Variants in E2F3 observed in about 807,000 individuals in gnomAD.
E2F3 encodes the protein E2F transcription factor 3.
E2F3 carries 11 observed loss-of-function variants against 44.4 expected under a neutral mutation model. The ratio of observed to expected loss-of-function variants is 0.25; its 90% confidence interval spans 0.16 to 0.41. The LOEUF is 0.41. Among genes scored for constraint, E2F3 ranks in the 10% least tolerant of loss-of-function variants. The pLI is 1.00. For synonymous variants in E2F3, 249 were observed against 253.0 expected, an observed-to-expected ratio of 0.98 and a Z score of 0.15; for missense variants, 487 against 583.6, an observed-to-expected ratio of 0.83 and a Z score of 1.70.
chr6:20,454,645 C>T (rs1166585203), intron 1 of E2F3, among the ~76,000 whole-genome samples: 3 of 152,166 alleles, frequency 2.0e-5, no homozygotes, highest in South Asian at 2.1e-4. Context: ...CTATAATATG[C>T]TAAGGAGTTT....
intron 4 of E2F3, 45 bp from the exon 5 acceptor site, chr6:20,486,644 T>G: frequency 9.6e-7 from 1 of 1,037,884 alleles, no homozygotes; most frequent in Non-Finnish European, 1.5e-6. Flanking sequence ...TTCATCATAC[T>G]TATATCTGAG....
chr6:20,402,542 C>T lies in E2F3; in HGVS notation c.310C>T (p.His104Tyr), dbSNP rs1347621462. ...TAGSLLYTTP[H>Y]GPSSRAGLLQ... ...CGGCAGCCTCCTCTACACCACGCCG[C>T]ACGGACCCTCCAGCAGAGCCGGGCT... The change falls in exon 1 of 7, where the codon CAC (histidine) becomes TAC (tyrosine). Residue 104 changes from histidine to tyrosine, a missense_variant. Around this residue, in one of 3 missense-constraint regions of E2F3, gnomAD observed 238 missense variants for 236.0 expected, o/e 1.01. Transcript: ENST00000346618. The surrounding 1 kb of genome is among the most constrained non-coding windows in gnomAD (Gnocchi z 5.6). The T allele has an allele frequency of 2.2e-5, 35 of 1,593,912 alleles. No homozygotes were observed. Among genetic ancestry groups the T allele is most frequent in the Non-Finnish European group, 2.9e-5 (34 of 1,177,234 alleles).
At chr6:20,462,560 C>A (rs1250463349) in intron 1 of E2F3, among the ~76,000 whole-genome samples, 3 of 151,552 alleles carry the variant, frequency 2.0e-5, no homozygotes, top group East Asian at 3.9e-4. Context: ...CAGGTTCAAG[C>A]GATTCTCCCA....
intron 1 of E2F3, among the ~76,000 whole-genome samples, chr6:20,476,137 C>T (rs550607172): frequency 2.0e-5 from 3 of 152,060 alleles, no homozygotes; most frequent in South Asian, 2.1e-4. Context: ...TTGAGGAGGC[C>T]GAGGAAGGCG....
In E2F3 at chr6:20,490,316, C is replaced by T. The variant is rs765707171; in HGVS notation, c.1284C>T (p.Pro428=). ...GACCGTTTGTGAACTTACTGCCTCC[C>T]CTGCTGCAAGAGGACTATCTCCTGA... ...LEGPFVNLLP[P]LLQEDYLLSL... The change falls in exon 7 of 7, where the codon CCC becomes CCT. Residue 428 remains proline (P), a synonymous_variant. Coordinates refer to ENST00000346618, the MANE Select transcript of E2F3 (RefSeq NM_001949.5). This position sits in a 1 kb window ranked among gnomAD's most constrained non-coding sequence, Gnocchi z 4.3. 2 of 1,614,124 alleles carry T rather than the reference C, an allele frequency of 1.2e-6. No individual in the cohort carries two copies. Among genetic ancestry groups the T allele is most frequent in the East Asian group, 2.2e-5 (1 of 44,878 alleles).
At chr6:20,481,171 A>G in intron 2 of E2F3, 35 bp from the exon 3 acceptor site, 1 of 1,601,878 alleles carries the variant, frequency 6.2e-7, no homozygotes, top group East Asian at 2.2e-5. Flanking sequence ...CTTTCCCCCT[A>G]TCCCCCACCC....
chr6:20,486,751 T>C lies in E2F3; in HGVS notation c.947T>C (p.Ile316Thr), dbSNP rs760341771. ...AGTGGCCTTAAAGACCAAACTGTTA[T>C]AGTTGTGAAAGCCCCTCCAGAAACA... ...KISGLKDQTV[I>T]VVKAPPETRL... The change falls in exon 5 of 7, where the codon ATA becomes ACA. Residue 316 changes from isoleucine (I) to threonine (T), a missense_variant. Physicochemically the swap from Ile to Thr is moderately conservative, Grantham distance 89 (BLOSUM62 -1). Coordinates refer to ENST00000346618, the MANE Select transcript of E2F3 (RefSeq NM_001949.5). 5 of 1,613,640 alleles carry C rather than the reference T, an allele frequency of 3.1e-6. No individual in the cohort carries two copies. The African/African-American group carries it at 4.0e-5, about 13-fold the overall frequency.
At chr6:20,449,244 T>G (rs1420299322) in intron 1 of E2F3, among the ~76,000 whole-genome samples, 1 of 152,240 alleles carries the variant, frequency 6.6e-6, no homozygotes, top group Non-Finnish European at 1.5e-5. Flanking sequence ...TTTGAAAATC[T>G]TGCTGTGCAG....
intron 1 of E2F3, among the ~76,000 whole-genome samples, chr6:20,476,690 G>T (rs1284738234): frequency 6.6e-6 from 1 of 152,196 alleles, no homozygotes; most frequent in Non-Finnish European, 1.5e-5. Context: ...TTCGCGGTGG[G>T]GGCGGGGAGG....
intron 1 of E2F3, chr6:20,445,021 A>T: frequency 1.0e-6 from 1 of 959,674 alleles, no homozygotes; most frequent in Non-Finnish European, 1.2e-6. Flanking sequence ...ACTGAACTGC[A>T]TTGGCCTGGC....
At chr6:20,445,673 C>G (rs1434482320) in intron 1 of E2F3, among the ~76,000 whole-genome samples, 1 of 152,080 alleles carries the variant, frequency 6.6e-6, no homozygotes, top group Non-Finnish European at 1.5e-5. Flanking sequence ...AGTCTTCACT[C>G]CATAGGTTCT....
chr6:20,428,621 A>G (rs1288018515), intron 1 of E2F3, among the ~76,000 whole-genome samples: 1 of 152,198 alleles, frequency 6.6e-6, no homozygotes, highest in African/African-American at 2.4e-5. Context: ...GGGAATGTAG[A>G]CAGGGTCAGA....
chr6:20,458,024 G>T (rs1761371896), intron 1 of E2F3, among the ~76,000 whole-genome samples: 1 of 151,988 alleles, frequency 6.6e-6, no homozygotes, highest in Non-Finnish European at 1.5e-5. Context: ...TTTGAAAAAT[G>T]AACATGACTT....
At chr6:20,416,648 G>A (rs1048939342) in intron 1 of E2F3, among the ~76,000 whole-genome samples, 2 of 152,186 alleles carry the variant, frequency 1.3e-5, no homozygotes, top group Admixed American at 1.3e-4. Context: ...CAGCACTGGT[G>A]TATGGCTTAA....
chr6:20,466,457 G>A (rs566986353), intron 1 of E2F3, among the ~76,000 whole-genome samples: 31 of 152,210 alleles, frequency 2.0e-4, no homozygotes, highest in African/African-American at 6.3e-4. Context: ...GCAGAAGTAA[G>A]GTAGTATTGC....
intron 1 of E2F3, among the ~76,000 whole-genome samples, chr6:20,422,092 T>C (rs1460627801): frequency 6.6e-6 from 1 of 152,266 alleles, no homozygotes; most frequent in Non-Finnish European, 1.5e-5. Context: ...TTCATCTACA[T>C]TGAAGATCTG....
At chr6:20,437,812 G>C (rs1282606228) in intron 1 of E2F3, 1 of 152,200 alleles carries the variant, frequency 6.6e-6, no homozygotes, top group Non-Finnish European at 1.5e-5. Flanking sequence ...CCTTTAACTG[G>C]TTAGGAAGCA....
At chr6:20,482,590 G>GAAAA (rs372496935) in intron 3 of E2F3, among the ~76,000 whole-genome samples, 172 bp from the exon 4 acceptor site, 194 of 135,624 alleles carry the variant, frequency 1.4e-3, no homozygotes, top group South Asian at 5.9e-3. Context: ...CTGTATTTAT[G>GAAAA]AAAAAAAAAA....
intron 1 of E2F3, among the ~76,000 whole-genome samples, chr6:20,477,535 A>G (rs968922665): frequency 1.3e-5 from 2 of 152,102 alleles, no homozygotes; most frequent in Non-Finnish European, 2.9e-5. Flanking sequence ...TATGATCTAA[A>G]GCCAGGTTTC....
Sources: gnomAD v4.1 joint callset for allele counts (sites outside exome capture counted in the v4.1 genomes callset) on GRCh38, gnomAD v4.1.1 for gene constraint, gnomAD v4.1.1 regional missense constraint, Gnocchi (gnomAD v3.1) non-coding constraint, MANE v1.5 for transcripts, NCBI Gene and HGNC (gene_info 2026-07-23, HGNC 2026-07-21) for gene names.